The following TMTC2 variants were observed in gnomAD, a reference collection of about 807,000 sequenced individuals.
TMTC2 encodes the protein protein O-mannosyl-transferase TMTC2.
Under a neutral mutation model 82.4 loss-of-function variants are expected in TMTC2, and 43 were observed. The ratio of observed to expected loss-of-function variants is 0.52; its 90% CI spans 0.41 to 0.67. The LOEUF is 0.67. Ranked by LOEUF, TMTC2 falls within the 30% of genes least tolerant of loss-of-function variation. The pLI is 0.00. For missense variants in TMTC2, 919 were observed against 1,012.4 expected, an observed-to-expected ratio of 0.91 and a Z score of 1.25; for synonymous variants, 408 against 381.9, an observed-to-expected ratio of 1.07 and a Z score of -0.80.
At chr12:82,954,979 T>TAA (rs1747781445) in intron 4 of TMTC2, among the ~76,000 whole-genome samples, 1 of 152,250 alleles carries the variant, frequency 6.6e-6, no homozygotes, top group Admixed American at 6.5e-5. Flanking sequence ...TTTGCTTTTC[T>TAA]GTAGTATATC....
chr12:83,039,985 G>A (rs1406085593), intron 9 of TMTC2, among the ~76,000 whole-genome samples: 1 of 152,194 alleles, frequency 6.6e-6, no homozygotes, highest in Non-Finnish European at 1.5e-5. Context: ...ATCATGCTGG[G>A]CACATATGTG....
chr12:82,728,783 G>A (rs374625863), intron 1 of TMTC2, among the ~76,000 whole-genome samples: 50 of 152,296 alleles, frequency 3.3e-4, no homozygotes, highest in African/African-American at 1.1e-3. Flanking sequence ...AGAGGCGTGG[G>A]CAGGAACTGG....
chr12:82,751,242 G>T (rs1005377127), intron 1 of TMTC2, among the ~76,000 whole-genome samples: 2 of 152,088 alleles, frequency 1.3e-5, no homozygotes, highest in Admixed American at 1.3e-4. Context: ...TTGTAGGGAC[G>T]TGGATGAAAT....
intron 1 of TMTC2, among the ~76,000 whole-genome samples, chr12:82,704,049 G>C (rs1489898974): frequency 6.6e-6 from 1 of 152,070 alleles, no homozygotes. Flanking sequence ...TATGTACTTA[G>C]AATTTGAGTT....
At chr12:83,081,618 G>A (rs1281996485) in intron 11 of TMTC2, among the ~76,000 whole-genome samples, 2 of 152,110 alleles carry the variant, frequency 1.3e-5, no homozygotes, top group Non-Finnish European at 2.9e-5. Context: ...CAGATTTTGT[G>A]ATTTCAAATC....
chr12:83,038,139 G>A (rs1432002460), intron 9 of TMTC2, among the ~76,000 whole-genome samples: 6 of 123,726 alleles, frequency 4.8e-5, no homozygotes, highest in Non-Finnish European at 8.2e-5. Flanking sequence ...ACCTGCTGTG[G>A]GGTGGGGGGA....
intron 1 of TMTC2, chr12:82,759,891 C>T (rs1470416901): frequency 6.6e-6 from 1 of 152,098 alleles, no homozygotes; most frequent in Non-Finnish European, 1.5e-5. Context: ...ATGTTTAAAT[C>T]TTTAGTATTA....
At chr12:82,962,571 T>G (rs1018282611) in intron 4 of TMTC2, among the ~76,000 whole-genome samples, 1 of 151,996 alleles carries the variant, frequency 6.6e-6, no homozygotes, top group African/African-American at 2.4e-5. Flanking sequence ...TTACAAAGAT[T>G]TTTTCCCTAT....
At chr12:82,747,842 C>A (rs890130654) in intron 1 of TMTC2, among the ~76,000 whole-genome samples, 1 of 152,000 alleles carries the variant, frequency 6.6e-6, no homozygotes, top group African/African-American at 2.4e-5. Context: ...GTAGATAGTT[C>A]TAATATGAAG....
chr12:82,881,915 G>A (rs77336410), intron 2 of TMTC2, among the ~76,000 whole-genome samples: 2,497 of 151,610 alleles, frequency 0.016, 72 homozygotes, highest in African/African-American at 0.057. Context: ...TCTGAAAAAT[G>A]ACACTTTGTG....
At chr12:83,054,730 T>C (rs1338503098) in intron 10 of TMTC2, among the ~76,000 whole-genome samples, 1 of 151,726 alleles carries the variant, frequency 6.6e-6, no homozygotes, top group Non-Finnish European at 1.5e-5. Flanking sequence ...TATTTGTGTA[T>C]ATGTAAATGT....
chr12:82,967,911 A>G (rs1050972125), intron 7 of TMTC2, among the ~76,000 whole-genome samples: 1 of 152,112 alleles, frequency 6.6e-6, no homozygotes, highest in Non-Finnish European at 1.5e-5. Flanking sequence ...GGATTATTGT[A>G]CACTTCTACA....
chr12:83,019,439 G>A (rs1204200091), intron 8 of TMTC2, among the ~76,000 whole-genome samples: 1 of 152,050 alleles, frequency 6.6e-6, no homozygotes, highest in Non-Finnish European at 1.5e-5. Flanking sequence ...ATGTTTTTCA[G>A]CATTAGACAC....
At position 82,876,040 on chromosome 12, in the gene TMTC2, T is replaced by C. The variant is rs2707748; in HGVS notation, c.654+18460T>C. 7.6e-3 allele frequency among the ~76,000 whole-genome samples: 821 copies of C among 107,776 alleles called. 11 individuals are homozygous for C. The highest frequency in any genetic ancestry group is 0.026 in the African/African-American group (756 of 29,526). The allele number at this position is 107,776 out of a possible 152,430, so 70.7% of individuals were successfully genotyped here. On this transcript the variant is annotated intron_variant, in intron 2 of 11. Coordinates refer to ENST00000321196, the MANE Select transcript of TMTC2 (RefSeq NM_152588.3). ...GTAGTAGTGGTGGCGGTGGTGGTGG[T>C]GGTGGTGGTGGTGGTGGTGGTGGTG... is the stretch of plus-strand genomic sequence containing the variant.
At chr12:83,014,952 A>T (rs1880610572) in intron 8 of TMTC2, among the ~76,000 whole-genome samples, 1 of 152,160 alleles carries the variant, frequency 6.6e-6, no homozygotes, top group South Asian at 2.1e-4. Context: ...TTATCCCTGT[A>T]AAGAATTGAA....
intron 1 of TMTC2, among the ~76,000 whole-genome samples, chr12:82,733,120 C>G (rs1049158625): frequency 6.6e-6 from 1 of 151,700 alleles, no homozygotes; most frequent in Non-Finnish European, 1.5e-5. Context: ...ATTATGCATA[C>G]GTAAATACTG....
At chr12:82,864,665 C>A (rs1307618371) in intron 2 of TMTC2, among the ~76,000 whole-genome samples, 2 of 151,246 alleles carry the variant, frequency 1.3e-5, no homozygotes, top group Non-Finnish European at 2.9e-5. Context: ...CCATGCCCAG[C>A]TAATTTTTTG....
intron 2 of TMTC2, among the ~76,000 whole-genome samples, chr12:82,890,362 T>G (rs1252139922): frequency 6.6e-6 from 1 of 152,200 alleles, no homozygotes; most frequent in African/African-American, 2.4e-5. Flanking sequence ...TACTTGAATA[T>G]TTTAACCTTG....
rs1211521503 is a variant in TMTC2, at chr12:83,061,913, G to GT, written c.2331+88dup. Reference sequence around the variant, plus strand: ...AGGTGTAAGAAGCATCATGATACTGGTTTTTTGTTTTTTGTTTTGTTTTGT... The same window carrying GT: ...AGGTGTAAGAAGCATCATGATACTGGTTTTTTTGTTTTTTGTTTTGTTTTGT... On this transcript the variant is annotated intron_variant, in intron 11 of 11. Transcript: ENST00000321196. 3.9e-6 allele frequency: 4 copies of GT among 1,020,328 alleles called. No individual in the cohort carries two copies. The African/African-American group carries it at 5.0e-5, about 13-fold the overall frequency. The allele number at this position is 1,020,328 out of a possible 1,614,324, so 63.2% of individuals were successfully genotyped here.
Sources: allele counts gnomAD v4.1 joint callset (sites outside exome capture counted in the v4.1 genomes callset), GRCh38; gene constraint gnomAD v4.1.1; transcripts MANE v1.5; gene names NCBI Gene and HGNC (gene_info 2026-07-23, HGNC 2026-07-21).